The following MELK variants were observed in gnomAD, a reference collection of about 807,000 sequenced individuals.
The protein encoded by MELK is pEg3 kinase.
A neutral mutation model predicts 85.0 loss-of-function variants in MELK; 81 were observed. The ratio of observed to expected loss-of-function variants is 0.95; its 90% CI spans 0.80 to 1.15. The LOEUF is 1.15. Among genes scored for constraint, MELK ranks in the 50% most tolerant of loss-of-function variants. The probability of loss-of-function intolerance (pLI) is 0.00; values close to 1 mark genes in which losing one functional copy is unlikely to be tolerated. For synonymous variants in MELK, 252 were observed against 265.0 expected (o/e 0.95, Z 0.48); for missense variants, 754 against 777.5 (o/e 0.97, Z 0.36).
chr9:36,617,358 G>T (rs1193289913), intron 8 of MELK, among the ~76,000 whole-genome samples: 1 of 151,142 alleles, frequency 6.6e-6, no homozygotes, highest in Non-Finnish European at 1.5e-5. Context: ...TTAGAGACAG[G>T]GTCTTGCTCT....
intron 7 of MELK, among the ~76,000 whole-genome samples, chr9:36,604,614 A>G (rs761282860): frequency 4.6e-5 from 7 of 151,520 alleles, no homozygotes; most frequent in Non-Finnish European, 7.4e-5. Flanking sequence ...TGGCCTCCCA[A>G]AGTGCTGGGA....
intron 4 of MELK, among the ~76,000 whole-genome samples, chr9:36,590,122 G>A (rs546109667): frequency 2.2e-4 from 33 of 151,948 alleles, no homozygotes; most frequent in African/African-American, 7.0e-4. Flanking sequence ...GGGGTTTCAC[G>A]TGTTAGCCAG....
At chr9:36,645,116 G>C (rs1451766345) in intron 11 of MELK, among the ~76,000 whole-genome samples, 1 of 151,854 alleles carries the variant, frequency 6.6e-6, no homozygotes, top group Non-Finnish European at 1.5e-5. Context: ...AAATTAGCCG[G>C]GCGTGGTGGC....
At chr9:36,632,972 G>A (rs1828789066) in intron 9 of MELK, 130 bp from the exon 10 acceptor site, 12 of 682,842 alleles carry the variant, frequency 1.8e-5, no homozygotes, top group Non-Finnish European at 3.0e-5. Context: ...CCATTTTAAA[G>A]TCTTTGACAG....
intron 14 of MELK, among the ~76,000 whole-genome samples, 195 bp from the exon 15 acceptor site, chr9:36,669,115 A>G (rs925778539): frequency 6.6e-6 from 1 of 152,236 alleles, no homozygotes; most frequent in Non-Finnish European, 1.5e-5. Flanking sequence ...CATACAAAGC[A>G]AAATGATTTT....
intron 14 of MELK, among the ~76,000 whole-genome samples, chr9:36,668,877 A>G (rs376700791): frequency 7.2e-5 from 11 of 152,160 alleles, no homozygotes; most frequent in Admixed American, 5.2e-4. Context: ...TTTGCCTAAC[A>G]TGAGTTGAAT....
chr9:36,615,357 C>T (rs1337133020), intron 8 of MELK, among the ~76,000 whole-genome samples: 2 of 132,212 alleles, frequency 1.5e-5, no homozygotes, highest in African/African-American at 3.1e-5. Context: ...GACCCCCCCA[C>T]CTCCCTCCCG....
chr9:36,623,069 A>C (rs570742945), intron 8 of MELK, among the ~76,000 whole-genome samples: 131 of 152,326 alleles, frequency 8.6e-4, no homozygotes, highest in African/African-American at 3.1e-3. Context: ...TGGACCACAT[A>C]ATTCTTTGTT....
rs370732572 is a variant in MELK, at chr9:36,594,660, A to G, written c.294A>G (p.Ile98Met). Residue 98 changes from isoleucine to methionine, a missense_variant, in exon 5 of 18, where the codon ATA becomes ATG. By Grantham distance (10) the Ile-to-Met change is conservative. Coordinates refer to ENST00000298048, the MANE Select transcript of MELK (RefSeq NM_014791.4). ...YCPGGELFDY[I>M]ISQDRLSEEE... Reference sequence around the variant, plus strand: ...CTGGAGGAGAGCTGTTTGACTATATAATTTCCCAGGATCGCCTGTCAGAAG... The same window carrying G: ...CTGGAGGAGAGCTGTTTGACTATATGATTTCCCAGGATCGCCTGTCAGAAG... 3 of 1,613,892 alleles carry G rather than the reference A, an allele frequency of 1.9e-6. No homozygotes were observed. In the African/African-American group the frequency reaches 4.0e-5, roughly 22 times the overall value.
intron 14 of MELK, 90 bp downstream of exon 14, chr9:36,665,671 C>A: frequency 3.2e-6 from 3 of 923,534 alleles, no homozygotes; most frequent in South Asian, 2.2e-5. Context: ...ACTAGCATTG[C>A]TTTCAGGAAT....
Position 36,581,736 on chromosome 9 carries a change from A to T in MELK, c.55A>T (p.Thr19Ser). The change falls in exon 2 of 18, where the codon ACA becomes TCA. Residue 19 changes from threonine (T) to serine (S), a missense_variant. Coordinates refer to ENST00000298048, the MANE Select transcript of MELK (RefSeq NM_014791.4). ...KYYELHETIG[T>S]GGFAKVKLAC... ...TTATGAATTACATGAAACTATTGGG[A>T]CAGGTAATTGTTATTTTTTTTTGGA... 6.3e-7 allele frequency: 1 copy of T among 1,590,784 alleles called. No homozygotes were observed. The highest frequency in any genetic ancestry group is 8.6e-7 in the Non-Finnish European group (1 of 1,160,038).
chr9:36,583,648 T>G lies in MELK; in HGVS notation c.80T>G (p.Leu27Arg). Residue 27 changes from leucine (L) to arginine (R), a missense_variant, in exon 3 of 18, where the codon CTT becomes CGT. Leu to Arg is a moderately radical substitution (Grantham distance 102). Coordinates refer to ENST00000298048, the MANE Select transcript of MELK (RefSeq NM_014791.4). ...IGTGGFAKVK[L>R]ACHILTGEMV... ...TTAGGTGGCTTTGCAAAGGTCAAACTTGCCTGCCATATCCTTACTGGAGAG... is the reference window on the plus strand; with the variant it reads ...TTAGGTGGCTTTGCAAAGGTCAAACGTGCCTGCCATATCCTTACTGGAGAG... 6.2e-7 allele frequency: 1 copy of G among 1,612,032 alleles called. No individual in the cohort carries two copies. The highest frequency in any genetic ancestry group is 8.5e-7 in the Non-Finnish European group (1 of 1,178,720).
At chr9:36,649,951 T>A (rs913656886) in intron 11 of MELK, among the ~76,000 whole-genome samples, 5 of 151,424 alleles carry the variant, frequency 3.3e-5, no homozygotes, top group African/African-American at 1.2e-4. Context: ...TTAATTAATT[T>A]ATTTATTTTT....
At chr9:36,607,779 C>A in intron 8 of MELK, 106 bp downstream of exon 8, 3 of 819,186 alleles carry the variant, frequency 3.7e-6, no homozygotes, top group Non-Finnish European at 5.9e-6. Flanking sequence ...TTATTCTCTG[C>A]TGTTAGAAGT....
chr9:36,652,337 G>A (rs1352916609), intron 12 of MELK, among the ~76,000 whole-genome samples: 3 of 151,328 alleles, frequency 2.0e-5, no homozygotes, highest in East Asian at 2.0e-4. Context: ...ATGAGCCACC[G>A]TGCCCGGCCT....
At chr9:36,641,602 A>ATTTTTTT (rs59380521) in intron 10 of MELK, among the ~76,000 whole-genome samples, 1 of 126,766 alleles carries the variant, frequency 7.9e-6, no homozygotes, top group African/African-American at 2.9e-5. Flanking sequence ...ATAAAGAGAG[A>ATTTTTTT]TTTTTTTTTT....
At chr9:36,587,125 A>T (rs1298746212) in intron 3 of MELK, among the ~76,000 whole-genome samples, 1 of 152,102 alleles carries the variant, frequency 6.6e-6, no homozygotes, top group Non-Finnish European at 1.5e-5. Context: ...CTGGGATTAC[A>T]GGTGTGAGCC....
At chr9:36,638,010 A>G (rs1587524184) in intron 10 of MELK, among the ~76,000 whole-genome samples, 1 of 152,180 alleles carries the variant, frequency 6.6e-6, no homozygotes, top group Non-Finnish European at 1.5e-5. Flanking sequence ...GGAAGCTGTG[A>G]TGTGCCCCTT....
chr9:36,575,489 GCAA>G (rs1210077686), intron 1 of MELK, among the ~76,000 whole-genome samples: 1 of 152,144 alleles, frequency 6.6e-6, no homozygotes, highest in Non-Finnish European at 1.5e-5. Context: ...TCACATTGCA[GCAA>G]CAACGATATT....
Sources: allele counts gnomAD v4.1 joint callset (sites outside exome capture counted in the v4.1 genomes callset), GRCh38; gene constraint gnomAD v4.1.1; transcripts MANE v1.5; gene names NCBI Gene and HGNC (gene_info 2026-07-23, HGNC 2026-07-21).